Variants in PPP6C observed in about 807,000 individuals in gnomAD.
PPP6C encodes protein phosphatase 6 catalytic subunit, also known as serine/threonine-protein phosphatase 6 catalytic subunit.
Under a neutral mutation model 39.8 loss-of-function variants are expected in PPP6C, and 11 were observed. The observed-to-expected ratio is 0.28, with a 90% CI of 0.17 to 0.46. PPP6C has a LOEUF of 0.46. Among genes scored for constraint, PPP6C ranks in the 20% least tolerant of loss-of-function variants. The pLI, the probability that PPP6C is intolerant of heterozygous loss-of-function variation, is 1.00. For synonymous variants in PPP6C, 129 were observed against 130.3 expected (o/e 0.99, Z 0.07); for missense variants, 211 against 373.9 (o/e 0.56, Z 3.59).
chr9:125,155,705 C>A (rs1354463317), intron 4 of PPP6C, among the ~76,000 whole-genome samples: 1 of 152,014 alleles, frequency 6.6e-6, no homozygotes, highest in Non-Finnish European at 1.5e-5. Context: ...AGATTGAGAC[C>A]ATCCTGGCTA....
intron 1 of PPP6C, among the ~76,000 whole-genome samples, chr9:125,171,458 TATACACACACACACACACAC>T (rs1829147597): frequency 3.1e-5 from 1 of 32,306 alleles, no homozygotes; most frequent in Non-Finnish European, 6.5e-5. Flanking sequence ...CACACACACA[TATACACACACACACACACAC>T]ATATATATAT....
At chr9:125,168,224 T>C (rs1000415360) in intron 2 of PPP6C, among the ~76,000 whole-genome samples, 1 of 152,148 alleles carries the variant, frequency 6.6e-6, no homozygotes, top group Non-Finnish European at 1.5e-5. Context: ...AAGCCAGGAT[T>C]TAAACCAAGT....
intron 1 of PPP6C, among the ~76,000 whole-genome samples, chr9:125,178,419 T>C (rs1045876042): frequency 2.0e-5 from 3 of 148,230 alleles, no homozygotes; most frequent in African/African-American, 7.4e-5. Context: ...TAGAGCATCT[T>C]TTCATACGCT....
intron 2 of PPP6C, among the ~76,000 whole-genome samples, chr9:125,166,480 A>G (rs1829013978): frequency 1.3e-5 from 2 of 152,260 alleles, no homozygotes; most frequent in African/African-American, 4.8e-5. Flanking sequence ...TGTTCCATAA[A>G]AAAGCAGTTA....
At position 125,149,635 on chromosome 9, in the gene PPP6C, G is replaced by T. The variant is rs1835889800; in HGVS notation, c.*38C>A. 6.2e-7 allele frequency: 1 copy of T among 1,602,396 alleles called. No individual in the cohort carries two copies. The highest frequency in any genetic ancestry group is 1.3e-5 in the African/African-American group (1 of 74,764). ...TAATACAAGAAAATTGGGGTAAGAA[G>T]AGGGCAGAAAAATGGGTCAGCAGGA... is the stretch of plus-strand genomic sequence containing the variant. On this transcript the variant is annotated 3_prime_UTR_variant, in exon 7 of 7. Transcript: ENST00000373547.
At chr9:125,153,803 G>A in intron 5 of PPP6C, 61 bp from the exon 6 acceptor site, 1 of 1,540,784 alleles carries the variant, frequency 6.5e-7, no homozygotes, top group Non-Finnish European at 9.0e-7. Context: ...AAACTCATCA[G>A]TGAATACTAA....
At chr9:125,160,981 G>A in intron 2 of PPP6C, 75 bp from the exon 3 acceptor site, 2 of 1,041,632 alleles carry the variant, frequency 1.9e-6, no homozygotes, top group Non-Finnish European at 1.4e-6. Context: ...AGAGTGAAAT[G>A]TGTAAAGAAG....
intron 4 of PPP6C, among the ~76,000 whole-genome samples, chr9:125,154,245 ACAT>A (rs1196916523): frequency 6.6e-6 from 1 of 152,204 alleles, no homozygotes; most frequent in Non-Finnish European, 1.5e-5. Flanking sequence ...CGTTGTGTGA[ACAT>A]CATCGGATGT....
At chr9:125,177,553 A>C (rs983099395) in intron 1 of PPP6C, among the ~76,000 whole-genome samples, 5 of 152,054 alleles carry the variant, frequency 3.3e-5, no homozygotes, top group African/African-American at 9.7e-5. Context: ...AAAAAAAGAA[A>C]AAGAAAAAAA....
intron 4 of PPP6C, among the ~76,000 whole-genome samples, 165 bp from the exon 5 acceptor site, chr9:125,154,150 G>A (rs992054301): frequency 1.8e-4 from 28 of 152,188 alleles, no homozygotes; most frequent in African/African-American, 6.5e-4. Flanking sequence ...AGAGCCAAAA[G>A]AACGCTAGTG....
intron 2 of PPP6C, among the ~76,000 whole-genome samples, chr9:125,167,389 A>AAGAAAAAAAAAAAAAG (rs1829041802): frequency 7.2e-6 from 1 of 138,056 alleles, no homozygotes; most frequent in African/African-American, 2.7e-5. Context: ...CAAAAAAAAA[A>AAGAAAAAAAAAAAAAG]AAAAAAAAAA....
chr9:125,177,673 C>T (rs1829332647), intron 1 of PPP6C, among the ~76,000 whole-genome samples: 1 of 152,190 alleles, frequency 6.6e-6, no homozygotes, highest in Non-Finnish European at 1.5e-5. Context: ...CATACACTGA[C>T]ATATCATTAT....
rs572420152 is a variant in PPP6C, at chr9:125,176,936, A to C, written c.76-5756T>G. On this transcript the variant is annotated intron_variant, in intron 1 of 6. Transcript: ENST00000373547. Reference sequence around the variant, plus strand: ...AGGATGACGCGGGATTTCTGGCTTAAACAATTAGAAGGCTGGAAATAATCA... The same window carrying C: ...AGGATGACGCGGGATTTCTGGCTTACACAATTAGAAGGCTGGAAATAATCA... Among the ~76,000 whole-genome samples the C allele has an allele frequency of 2.2e-4, 34 of 152,330 alleles. No homozygotes were observed. In the South Asian group the frequency reaches 5.2e-3, roughly 23 times the overall value.
chr9:125,164,587 A>T (rs1053820381), intron 2 of PPP6C, among the ~76,000 whole-genome samples: 4 of 151,900 alleles, frequency 2.6e-5, no homozygotes, highest in East Asian at 1.9e-4. Flanking sequence ...CAATCTTAAG[A>T]AGTAGATTTT....
chr9:125,158,275 C>T lies in PPP6C; in HGVS notation c.345G>A (p.Glu115=), dbSNP rs773616572. ...DRITLLRGNH[E]SRQITQVYGF... ...CATAGACCTGTGTTATCTGTCTACTCTCATGATTTCCTCGCAAAAGTGTAA... is the reference window on the plus strand; with the variant it reads ...CATAGACCTGTGTTATCTGTCTACTTTCATGATTTCCTCGCAAAAGTGTAA... Residue 115 remains glutamate (E), a synonymous_variant, in exon 4 of 7, where the codon GAG becomes GAA. Coordinates refer to ENST00000373547, the MANE Select transcript of PPP6C (RefSeq NM_002721.5). The T allele has an allele frequency of 5.6e-6, 9 of 1,610,612 alleles. No homozygotes were observed. In the African/African-American group the frequency reaches 1.2e-4, roughly 22 times the overall value.
intron 2 of PPP6C, among the ~76,000 whole-genome samples, chr9:125,169,799 A>G (rs1829103386): frequency 6.6e-6 from 1 of 152,210 alleles, no homozygotes; most frequent in African/African-American, 2.4e-5. Context: ...ACAATCAAAG[A>G]TGACATAATG....
intron 4 of PPP6C, 94 bp downstream of exon 4, chr9:125,158,147 A>T: frequency 1.6e-6 from 2 of 1,262,014 alleles, no homozygotes; most frequent in African/African-American, 1.5e-5. Flanking sequence ...TGGGGAAAAT[A>T]ATATACATAA....
In PPP6C at chr9:125,167,893, G is replaced by A. The variant is rs1014526033; in HGVS notation, c.171+3192C>T. Among the ~76,000 whole-genome samples the A allele has an allele frequency of 4.1e-5, 6 of 146,986 alleles. No homozygotes were observed. The East Asian group carries it at 1.0e-3, about 25-fold the overall frequency. On this transcript the variant is annotated intron_variant, in intron 2 of 6. Transcript: ENST00000373547. Reference sequence around the variant, plus strand: ...TGGTCTTGAACCCATGGCTTCAAGCGATCCTCCCACCTCAGCCTCCCAAAG... The same window carrying A: ...TGGTCTTGAACCCATGGCTTCAAGCAATCCTCCCACCTCAGCCTCCCAAAG...
At chr9:125,172,226 CT>C (rs1271714306) in intron 1 of PPP6C, among the ~76,000 whole-genome samples, 3 of 150,860 alleles carry the variant, frequency 2.0e-5, no homozygotes, top group South Asian at 4.2e-4. Context: ...CTTTTTTTCC[CT>C]TTTTTTTTGA....
Sources: allele counts gnomAD v4.1 joint callset (sites outside exome capture counted in the v4.1 genomes callset), GRCh38; gene constraint gnomAD v4.1.1; transcripts MANE v1.5; gene names NCBI Gene and HGNC (gene_info 2026-07-23, HGNC 2026-07-21).